Variants in KCNK2 observed in about 807,000 individuals in gnomAD.
KCNK2 encodes the protein potassium channel subfamily K member 2.
In KCNK2, 21 loss-of-function variants were observed where a neutral mutation model predicts 40.5. That is an observed-to-expected ratio of 0.52 (90% confidence interval 0.37 to 0.75). KCNK2 has a LOEUF of 0.75. KCNK2 is among the 30% of genes least tolerant of loss of function. The pLI, the probability that KCNK2 is intolerant of heterozygous loss-of-function variation, is 0.00. For missense variants in KCNK2, 399 were observed against 531.6 expected (o/e 0.75, Z 2.45); for synonymous variants, 191 against 202.2 (o/e 0.94, Z 0.47).
upstream of KCNK2, among the ~76,000 whole-genome samples, chr1:215,079,676 C>G (rs1416692716): frequency 6.6e-6 from 1 of 152,168 alleles, no homozygotes; most frequent in Non-Finnish European, 1.5e-5. Context: ...AAATCCAAAC[C>G]ATATCACTGA....
intron 2 of KCNK2, among the ~76,000 whole-genome samples, chr1:215,105,645 G>T (rs945081351): frequency 6.6e-6 from 1 of 151,948 alleles, no homozygotes; most frequent in Non-Finnish European, 1.5e-5. Flanking sequence ...TGTTACAAGG[G>T]TATATTGTAT....
chr1:215,235,806 A>C lies in KCNK2; in HGVS notation c.*661A>C, dbSNP rs1486796356. The C allele has an allele frequency of 6.5e-6, 1 of 152,676 alleles. No individual in the cohort carries two copies. Among genetic ancestry groups the C allele is most frequent in the Non-Finnish European group, 1.5e-5 (1 of 68,088 alleles). The allele number at this position is 152,676 out of a possible 1,614,324, so 9.5% of individuals were successfully genotyped here. On this transcript the variant is annotated 3_prime_UTR_variant, in exon 7 of 7. Transcript: ENST00000444842. ...CCGAAGATGAAATAGATGCCAAATT[A>C]GATGGACATTGAAGCAACACTCAGC...
chr1:215,180,629 G>A (rs1664184596), intron 5 of KCNK2, among the ~76,000 whole-genome samples: 2 of 151,904 alleles, frequency 1.3e-5, no homozygotes, highest in African/African-American at 4.8e-5. Context: ...GCTTAGGTTG[G>A]TGGAATATAA....
intron 1 of KCNK2, among the ~76,000 whole-genome samples, chr1:215,056,633 T>TG (rs1323049137): frequency 1.4e-5 from 2 of 148,072 alleles, no homozygotes; most frequent in Non-Finnish European, 3.0e-5. Flanking sequence ...TTTTTTTTTT[T>TG]TTGGTAGTGA....
chr1:215,070,429 A>G (rs887699071), intron 1 of KCNK2, among the ~76,000 whole-genome samples: 1 of 151,466 alleles, frequency 6.6e-6, no homozygotes, highest in African/African-American at 2.4e-5. Context: ...AAAAAAAAAA[A>G]AAAAAAAAAA....
intron 1 of KCNK2, among the ~76,000 whole-genome samples, chr1:215,070,219 G>A (rs1200073650): frequency 1.4e-5 from 2 of 147,756 alleles, no homozygotes; most frequent in African/African-American, 2.5e-5. Context: ...AGGCATCCTG[G>A]CTAACATGGT....
intron 1 of KCNK2, among the ~76,000 whole-genome samples, chr1:215,007,226 T>TATAG (rs1656212861): frequency 9.7e-6 from 1 of 103,172 alleles, no homozygotes; most frequent in African/African-American, 3.6e-5. Flanking sequence ...TATATATATA[T>TATAG]AGGCTCATTT....
In KCNK2 at chr1:215,051,650, G is replaced by C. The variant is rs369605531; in HGVS notation, c.35-34718G>C. ...GAAAGAGTGAGTTCTGGGATATCTG[G>C]GGCACAACATTCAGGCTTGGGAAGC... is the stretch of plus-strand genomic sequence containing the variant. On this transcript the variant is annotated intron_variant, in intron 1 of 6. Transcript: ENST00000391895. Among the ~76,000 whole-genome samples, 144 of 152,174 alleles carry C rather than the reference G, an allele frequency of 9.5e-4. 5 individuals carry two copies. The South Asian group carries it at 0.029, about 31-fold the overall frequency.
rs181547941 is a variant in KCNK2, at chr1:215,055,367, A to G, written c.35-31001A>G. ...GTTATTCATGAATACAAAGTAAGCT[A>G]TGAAAAAGAACTAAAAAAGGAATGT... On this transcript the variant is annotated intron_variant, in intron 1 of 6. Transcript: ENST00000391895. 1.8e-3 allele frequency among the ~76,000 whole-genome samples: 281 copies of G among 152,336 alleles called. 1 individual carries two copies. Among genetic ancestry groups the G allele is most frequent in the Non-Finnish European group, 1.9e-3 (128 of 68,016 alleles).
intron 1 of KCNK2, among the ~76,000 whole-genome samples, chr1:215,084,748 A>G (rs114301463): frequency 0.013 from 1,987 of 152,302 alleles, 49 homozygotes; most frequent in African/African-American, 0.045. Context: ...TCCTCTGTGT[A>G]GTAGGTTGAA....
intron 6 of KCNK2, among the ~76,000 whole-genome samples, chr1:215,208,120 G>A (rs1665396867): frequency 6.6e-6 from 1 of 152,104 alleles, no homozygotes; most frequent in Non-Finnish European, 1.5e-5. Context: ...TGGAATCAAT[G>A]TAACTGCCCA....
chr1:215,047,218 G>T (rs948206136), intron 1 of KCNK2, among the ~76,000 whole-genome samples: 5 of 152,184 alleles, frequency 3.3e-5, no homozygotes, highest in African/African-American at 9.6e-5. Flanking sequence ...CATAATAATA[G>T]TGGGTTTTGG....
intron 2 of KCNK2, among the ~76,000 whole-genome samples, chr1:215,094,099 A>G (rs1659874962): frequency 6.7e-6 from 1 of 149,564 alleles, no homozygotes; most frequent in African/African-American, 2.5e-5. Flanking sequence ...GTAAGCACTC[A>G]GGTATATTGG....
chr1:215,022,642 T>C (rs917285571), intron 1 of KCNK2, among the ~76,000 whole-genome samples: 8 of 152,156 alleles, frequency 5.3e-5, no homozygotes, highest in Non-Finnish European at 8.8e-5. Context: ...CGGGCTCCAT[T>C]CAAATCCCTA....
At chr1:215,008,939 A>G (rs556492686) in intron 1 of KCNK2, among the ~76,000 whole-genome samples, 1 of 152,016 alleles carries the variant, frequency 6.6e-6, no homozygotes, top group Non-Finnish European at 1.5e-5. Context: ...AATCAATTTG[A>G]TTTGTCATTC....
chr1:215,106,080 A>T (rs1215957352), intron 2 of KCNK2, among the ~76,000 whole-genome samples: 1 of 152,064 alleles, frequency 6.6e-6, no homozygotes, highest in Non-Finnish European at 1.5e-5. Flanking sequence ...TGGTAGAATG[A>T]TTATTTTCCT....
At chr1:215,190,075 A>C (rs189178909) in intron 5 of KCNK2, among the ~76,000 whole-genome samples, 2 of 152,346 alleles carry the variant, frequency 1.3e-5, no homozygotes, top group Admixed American at 1.3e-4. Flanking sequence ...CGGAGTGGCT[A>C]GGTTATCCTT....
At chr1:215,056,308 C>CAA (rs71167804) in intron 1 of KCNK2, among the ~76,000 whole-genome samples, 83,490 of 120,496 alleles carry the variant, frequency 0.69, 31,257 homozygotes, top group East Asian at 0.82. Context: ...AACTCCATCT[C>CAA]AAAAAAAAAA....
chr1:215,081,713 G>A (rs527962805), upstream of KCNK2: 3 of 152,292 alleles, frequency 2.0e-5, no homozygotes, highest in South Asian at 6.2e-4. Flanking sequence ...ATGGGAGGGT[G>A]GAGGTCATCA....
Sources: gnomAD v4.1 joint callset for allele counts (sites outside exome capture counted in the v4.1 genomes callset) on GRCh38, gnomAD v4.1.1 for gene constraint, MANE v1.5 for transcripts, NCBI Gene and HGNC (gene_info 2026-07-23, HGNC 2026-07-21) for gene names.